The following MLLT3 variants were observed in gnomAD, a reference collection of about 807,000 sequenced individuals.
The protein encoded by MLLT3 is protein AF-9.
In MLLT3, 4 loss-of-function variants were observed where a neutral mutation model predicts 53.2. The ratio of observed to expected loss-of-function variants is 0.08; its 90% CI spans 0.04 to 0.17. MLLT3 has a LOEUF of 0.17. Ranked by LOEUF, MLLT3 falls within the 10% of genes least tolerant of loss-of-function variation. The pLI is 1.00. For synonymous variants in MLLT3, 283 were observed against 230.6 expected (o/e 1.23, Z -2.06); for missense variants, 569 against 684.0 (o/e 0.83, Z 1.87).
chr9:20,444,334 G>A (rs1011321620), intron 4 of MLLT3, among the ~76,000 whole-genome samples: 24 of 152,200 alleles, frequency 1.6e-4, no homozygotes, highest in African/African-American at 5.5e-4. Context: ...CTTCTCCACA[G>A]AGTACACTTG....
intron 5 of MLLT3, among the ~76,000 whole-genome samples, chr9:20,398,722 C>T (rs1192937635): frequency 3.3e-5 from 5 of 152,098 alleles, no homozygotes; most frequent in Non-Finnish European, 1.5e-5. Context: ...TTCACTGCAA[C>T]ATCCTGTTAT....
intron 2 of MLLT3, among the ~76,000 whole-genome samples, chr9:20,477,384 T>C (rs1824550989): frequency 6.6e-6 from 1 of 152,170 alleles, no homozygotes; most frequent in South Asian, 2.1e-4. Context: ...CTGGAGTCTC[T>C]GTTTTATAAT....
rs1056221202 is a variant in MLLT3, at chr9:20,448,110, G to C, written c.420+13C>G. 1.2e-6 allele frequency: 2 copies of C among 1,604,050 alleles called. No individual in the cohort carries two copies. The highest frequency in any genetic ancestry group is 1.7e-6 in the Non-Finnish European group (2 of 1,176,144). ...TTTAATAGGAATGCTTTTCACAAGAGAGTGCCACTTACCCCTCCTGCCTTC... is the reference window on the plus strand; with the variant it reads ...TTTAATAGGAATGCTTTTCACAAGACAGTGCCACTTACCCCTCCTGCCTTC... On this transcript the variant is annotated intron_variant, in intron 4 of 10. Transcript: ENST00000380338. This position sits in a 1 kb window ranked among gnomAD's most constrained non-coding sequence, Gnocchi z 4.0.
At chr9:20,548,436 G>C (rs1440040665) in intron 2 of MLLT3, among the ~76,000 whole-genome samples, 1 of 152,208 alleles carries the variant, frequency 6.6e-6, no homozygotes, top group Non-Finnish European at 1.5e-5. Flanking sequence ...CTGAACAATG[G>C]TAAATGAAAA....
chr9:20,613,302 A>T (rs1232496173), intron 2 of MLLT3, among the ~76,000 whole-genome samples: 9 of 152,144 alleles, frequency 5.9e-5, no homozygotes, highest in Non-Finnish European at 1.0e-4. Flanking sequence ...TTATATCTCA[A>T]TTGTAAAAAA....
At chr9:20,435,606 T>C (rs1356081223) in intron 4 of MLLT3, among the ~76,000 whole-genome samples, 2 of 152,184 alleles carry the variant, frequency 1.3e-5, no homozygotes, top group African/African-American at 4.8e-5. Flanking sequence ...GACATTTTTA[T>C]TTTTGTTTAT....
chr9:20,470,102 T>C (rs899805702), intron 2 of MLLT3, among the ~76,000 whole-genome samples: 2 of 152,024 alleles, frequency 1.3e-5, no homozygotes, highest in African/African-American at 4.8e-5. Context: ...TTTGTTGACT[T>C]GAATGTCCAG....
intron 5 of MLLT3, among the ~76,000 whole-genome samples, chr9:20,368,534 A>G (rs1034608765): frequency 6.6e-6 from 1 of 152,210 alleles, no homozygotes; most frequent in Admixed American, 6.5e-5. Flanking sequence ...GGATGACAAG[A>G]GAAGATGGTG....
At chr9:20,617,220 C>T in intron 2 of MLLT3, among the ~76,000 whole-genome samples, 1 of 152,170 alleles carries the variant, frequency 6.6e-6, no homozygotes, top group Admixed American at 6.5e-5. Flanking sequence ...ACAACGTCTT[C>T]AGCTAGTAAG....
intron 8 of MLLT3, 68 bp downstream of exon 8, chr9:20,360,674 G>T (rs1821298537): frequency 7.6e-7 from 1 of 1,308,636 alleles, no homozygotes; most frequent in Non-Finnish European, 1.1e-6. Flanking sequence ...TGAAAGTTTT[G>T]CATGCTTTGT....
intron 2 of MLLT3, among the ~76,000 whole-genome samples, chr9:20,551,066 A>G (rs1178277018): frequency 6.6e-6 from 1 of 152,242 alleles, no homozygotes; most frequent in Admixed American, 6.5e-5. Flanking sequence ...ACCCAGCCAC[A>G]AAGTTTTCTT....
Position 20,581,143 on chromosome 9 carries a change from G to C in MLLT3, c.193+39511C>G, listed in dbSNP as rs962282539. ...CCTTTCAAGACCATGTTTCTTTTTG[G>C]AGGATAAACTCAATCTGTCTTAAAT... On this transcript the variant is annotated intron_variant, in intron 2 of 10. Transcript: ENST00000380338. 4.6e-5 allele frequency among the ~76,000 whole-genome samples: 7 copies of C among 152,212 alleles called. No homozygotes were observed. The East Asian group carries it at 7.7e-4, about 17-fold the overall frequency.
At chr9:20,447,985 G>A in intron 4 of MLLT3, 138 bp downstream of exon 4, 1 of 828,876 alleles carries the variant, frequency 1.2e-6, no homozygotes, top group Middle Eastern at 3.0e-4. Flanking sequence ...CCACAGCTAA[G>A]CCATTAAGGT....
chr9:20,516,279 CT>C (rs971548494), intron 2 of MLLT3, among the ~76,000 whole-genome samples: 6 of 151,842 alleles, frequency 4.0e-5, no homozygotes, highest in South Asian at 2.1e-4. Context: ...GATATTGTGA[CT>C]TTTTTTTTCT....
At chr9:20,593,681 G>A (rs892556672) in intron 2 of MLLT3, among the ~76,000 whole-genome samples, 2 of 152,098 alleles carry the variant, frequency 1.3e-5, no homozygotes, top group Non-Finnish European at 2.9e-5. Flanking sequence ...GAACCAACCA[G>A]TGATCTCTGG....
At chr9:20,364,940 A>G (rs1402223194) in intron 6 of MLLT3, among the ~76,000 whole-genome samples, 2 of 152,254 alleles carry the variant, frequency 1.3e-5, no homozygotes, top group Non-Finnish European at 2.9e-5. Context: ...TTCTGAATTC[A>G]AGTTAACACT....
Position 20,368,169 on chromosome 9 carries a change from T to C in MLLT3, c.1126-2425A>G, listed in dbSNP as rs1035584386. Among the ~76,000 whole-genome samples the C allele has an allele frequency of 1.1e-4, 16 of 152,254 alleles. 1 individual carries two copies. Among genetic ancestry groups the C allele is most frequent in the African/African-American group, 3.9e-4 (16 of 41,474 alleles). Reference sequence around the variant, plus strand: ...TTGGTTTACACGTACAAATGCTCTATAAGGTACTCTTCATTTCTGTTGAGT... The same window carrying C: ...TTGGTTTACACGTACAAATGCTCTACAAGGTACTCTTCATTTCTGTTGAGT... On this transcript the variant is annotated intron_variant, in intron 5 of 10. Transcript: ENST00000380338.
At position 20,456,790 on chromosome 9, in the gene MLLT3, C is replaced by A; in HGVS notation, c.194-4G>T. 1.3e-6 allele frequency: 2 copies of A among 1,566,240 alleles called. No individual in the cohort carries two copies. The highest frequency in any genetic ancestry group is 1.7e-6 in the Non-Finnish European group (2 of 1,161,128). The stretch of plus-strand genomic sequence containing the variant: ...TTGTAAGGTGGATCTTTGCACACTG[C>A]AACATTAAAAAAGAAAATAGGTAAG... On this transcript the variant is annotated splice_polypyrimidine_tract_variant and splice_region_variant and intron_variant, in intron 2 of 10. Transcript: ENST00000380338.
At chr9:20,601,476 A>G (rs1044900154) in intron 2 of MLLT3, among the ~76,000 whole-genome samples, 2 of 152,226 alleles carry the variant, frequency 1.3e-5, no homozygotes, top group African/African-American at 4.8e-5. Context: ...CAAGCTAAAT[A>G]ACAACAGCAA....
Sources: gnomAD v4.1 joint callset for allele counts (sites outside exome capture counted in the v4.1 genomes callset) on GRCh38, gnomAD v4.1.1 for gene constraint, Gnocchi (gnomAD v3.1) non-coding constraint, MANE v1.5 for transcripts, NCBI Gene and HGNC (gene_info 2026-07-23, HGNC 2026-07-21) for gene names.